NBAS: variants seen among roughly 807,000 people sequenced by gnomAD.
NBAS encodes the protein NAG/BC035112 fusion.
A neutral mutation model predicts 302.5 loss-of-function variants in NBAS; 219 were observed. The ratio of observed to expected loss-of-function variants is 0.72; its 90% confidence interval spans 0.65 to 0.81. The LOEUF (loss-of-function observed/expected upper bound fraction) is 0.81, where lower values mean the gene tolerates loss of function less well. NBAS is among the 30% of genes least tolerant of loss of function. The probability of loss-of-function intolerance (pLI) is 0.00; values close to 1 mark genes in which losing one functional copy is unlikely to be tolerated. For synonymous variants in NBAS, 1,118 were observed against 1,021.6 expected (o/e 1.09, Z -1.80); for missense variants, 2,932 against 2,841.6 (o/e 1.03, Z -0.72).
chr2:15,075,873 T>A, the NBAS span, among the ~76,000 whole-genome samples: 1 of 152,294 alleles, frequency 6.6e-6, no homozygotes, highest in Admixed American at 6.5e-5. Context: ...TTGGTAAAAA[T>A]TGGAAACAAT....
At chr2:14,849,135 G>A in the NBAS span, among the ~76,000 whole-genome samples, 1 of 142,230 alleles carries the variant, frequency 7.0e-6, no homozygotes, top group Non-Finnish European at 1.5e-5. Context: ...TCTGAGCTAC[G>A]GGAGGACATT....
chr2:15,103,906 G>A, the NBAS span, among the ~76,000 whole-genome samples: 3 of 152,240 alleles, frequency 2.0e-5, no homozygotes, highest in South Asian at 6.2e-4. Flanking sequence ...TTCCACTGAA[G>A]ATCTTATTTT....
At chr2:15,034,252 GA>G in the NBAS span, among the ~76,000 whole-genome samples, 3 of 94,236 alleles carry the variant, frequency 3.2e-5, no homozygotes, top group Non-Finnish European at 6.5e-5. Context: ...AAGAAAGAAA[GA>G]AAGAAAGAAA....
the NBAS span, among the ~76,000 whole-genome samples, chr2:15,144,046 A>ATATATATATATATATATATTATCCTATAT: frequency 5.7e-5 from 6 of 104,536 alleles, no homozygotes; most frequent in South Asian, 3.6e-4. Flanking sequence ...CCTATATATA[A>ATATATATATATATATATATTATCCTATAT]AAATATATAT....
At chr2:15,412,095 T>C (rs1489625458) in intron 25 of NBAS, among the ~76,000 whole-genome samples, 2 of 152,094 alleles carry the variant, frequency 1.3e-5, no homozygotes, top group Non-Finnish European at 2.9e-5. Context: ...GGCAGTCAAG[T>C]GTAATGGTAG....
chr2:15,460,661 T>C (rs1179423174), intron 21 of NBAS, among the ~76,000 whole-genome samples: 1 of 152,240 alleles, frequency 6.6e-6, no homozygotes, highest in Non-Finnish European at 1.5e-5. Flanking sequence ...GGTTCCAACA[T>C]AGGCTTTGAC....
chr2:14,910,010 C>T, the NBAS span, among the ~76,000 whole-genome samples: 2 of 152,180 alleles, frequency 1.3e-5, no homozygotes, highest in African/African-American at 2.4e-5. Context: ...AGACTTGCTC[C>T]GGGAGCTTTC....
chr2:15,182,322 C>A (rs1352821110), intron 50 of NBAS, among the ~76,000 whole-genome samples: 1 of 152,188 alleles, frequency 6.6e-6, no homozygotes, highest in Non-Finnish European at 1.5e-5. Context: ...TCCTCAAATC[C>A]TTTGAGAAAG....
the NBAS span, among the ~76,000 whole-genome samples, chr2:15,061,756 T>C: frequency 6.6e-6 from 1 of 152,224 alleles, no homozygotes; most frequent in South Asian, 2.1e-4. Context: ...AAAGACACCA[T>C]GTCAGTGTGT....
chr2:15,430,320 C>T (rs1284769271), intron 21 of NBAS, among the ~76,000 whole-genome samples: 1 of 152,094 alleles, frequency 6.6e-6, no homozygotes, highest in African/African-American at 2.4e-5. Context: ...TTTCAAGGTA[C>T]AGCACAACCA....
chr2:15,120,417 C>T, the NBAS span, among the ~76,000 whole-genome samples: 1 of 152,166 alleles, frequency 6.6e-6, no homozygotes, highest in African/African-American at 2.4e-5. Flanking sequence ...AAACCTGTGT[C>T]CTTTCCACTT....
At position 15,433,613 on chromosome 2, in the gene NBAS, G is replaced by A. The variant is rs553631642; in HGVS notation, c.2340-5819C>T. On this transcript the variant is annotated intron_variant, in intron 21 of 51. Coordinates refer to ENST00000281513, the MANE Select transcript of NBAS (RefSeq NM_015909.4). ...TAACAGTAATATGAAAATGTGATGA[G>A]TTGATTTATGAAGTAGAAAAAAGCA... is the stretch of plus-strand genomic sequence containing the variant. Among the ~76,000 whole-genome samples the A allele has an allele frequency of 2.8e-3, 430 of 152,314 alleles. 2 individuals carry two copies. Among genetic ancestry groups the A allele is most frequent in the Admixed American group, 9.0e-3 (138 of 15,292 alleles).
the NBAS span, among the ~76,000 whole-genome samples, chr2:14,870,100 G>A: frequency 1.7e-4 from 26 of 152,332 alleles, no homozygotes; most frequent in African/African-American, 4.8e-4. Context: ...GTCCCTGAGA[G>A]AAGGGAAGTA....
chr2:14,900,063 GT>G, the NBAS span, among the ~76,000 whole-genome samples: 1 of 151,118 alleles, frequency 6.6e-6, no homozygotes, highest in Non-Finnish European at 1.5e-5. Flanking sequence ...CCAAAAAGTG[GT>G]TAGAAAGAAT....
chr2:15,496,363 T>G (rs922892782), intron 11 of NBAS, among the ~76,000 whole-genome samples: 4 of 151,988 alleles, frequency 2.6e-5, no homozygotes, highest in Non-Finnish European at 5.9e-5. Flanking sequence ...GGATGCAGGG[T>G]TTTTTTCCAG....
intron 22 of NBAS, among the ~76,000 whole-genome samples, chr2:15,427,144 TGA>T (rs1677518407): frequency 6.6e-6 from 1 of 151,956 alleles, no homozygotes; most frequent in Admixed American, 6.6e-5. Flanking sequence ...CCTCAATGCA[TGA>T]GTCAAAAAAA....
chr2:15,528,465 ATATAT>A (rs1238223301), intron 9 of NBAS, among the ~76,000 whole-genome samples: 3 of 146,262 alleles, frequency 2.1e-5, no homozygotes, highest in African/African-American at 5.0e-5. Context: ...ATATATTTTT[ATATAT>A]TATATATGTT....
chr2:14,906,379 C>G, the NBAS span, among the ~76,000 whole-genome samples: 1 of 152,190 alleles, frequency 6.6e-6, no homozygotes, highest in Admixed American at 6.5e-5. Context: ...TCGTAAGTGG[C>G]AGAGCCAGGA....
At chr2:15,302,852 A>C (rs1305260897) in intron 40 of NBAS, among the ~76,000 whole-genome samples, 1 of 152,200 alleles carries the variant, frequency 6.6e-6, no homozygotes, top group African/African-American at 2.4e-5. Context: ...AGGCAGAAGA[A>C]GGTGGGAGAA....
Sources: allele counts gnomAD v4.1 joint callset (sites outside exome capture counted in the v4.1 genomes callset), GRCh38; gene constraint gnomAD v4.1.1; transcripts MANE v1.5; gene names NCBI Gene and HGNC (gene_info 2026-07-23, HGNC 2026-07-21).